NRXN1: variants seen among roughly 807,000 people sequenced by gnomAD.
NRXN1 encodes the protein neurexin-1.
NRXN1 carries 39 observed loss-of-function variants against 150.9 expected under a neutral mutation model. That is an observed-to-expected ratio of 0.26 (90% CI 0.20 to 0.34). NRXN1 has a LOEUF of 0.34. Ranked by LOEUF, NRXN1 falls within the 10% of genes least tolerant of loss-of-function variation. The probability of loss-of-function intolerance (pLI) is 1.00; values close to 1 mark genes in which losing one functional copy is unlikely to be tolerated. For synonymous variants in NRXN1, 924 were observed against 757.0 expected (o/e 1.22, Z -3.62); for missense variants, 1,815 against 1,949.9 (o/e 0.93, Z 1.30).
intron 17 of NRXN1, among the ~76,000 whole-genome samples, chr2:50,357,885 A>T (rs1241700133): frequency 6.6e-6 from 1 of 152,168 alleles, no homozygotes; most frequent in Admixed American, 6.5e-5. Flanking sequence ...TACCTGGTTC[A>T]TCTCACTGGG....
intron 5 of NRXN1, chr2:50,912,893 G>A (rs1684725517): frequency 6.6e-6 from 1 of 151,698 alleles, no homozygotes; most frequent in Non-Finnish European, 1.5e-5. Context: ...ATCAGTCTAG[G>A]TGTTGGCTTT....
chr2:50,466,383 T>C (rs2088850780), intron 16 of NRXN1: 2 of 426,920 alleles, frequency 4.7e-6, no homozygotes, highest in Admixed American at 3.0e-5. Flanking sequence ...ACTGCAGAAA[T>C]GTAAAATATG....
At chr2:50,971,013 G>C (rs1694909435) in intron 2 of NRXN1, among the ~76,000 whole-genome samples, 1 of 151,990 alleles carries the variant, frequency 6.6e-6, no homozygotes, top group African/African-American at 2.4e-5. Context: ...GCAAGAAAAG[G>C]TGACTTTAAA....
chr2:50,914,780 G>C (rs993651721), intron 5 of NRXN1, among the ~76,000 whole-genome samples: 1 of 151,538 alleles, frequency 6.6e-6, no homozygotes, highest in Non-Finnish European at 1.5e-5. Context: ...TGTACTATGA[G>C]AAAGAAAAAA....
At chr2:51,025,546 G>T (rs1304575944) in intron 2 of NRXN1, among the ~76,000 whole-genome samples, 1 of 152,066 alleles carries the variant, frequency 6.6e-6, no homozygotes, top group Admixed American at 6.5e-5. Context: ...CCTAATTTAA[G>T]GAAGGAAGCT....
At chr2:50,645,625 T>C (rs1012824344) in intron 5 of NRXN1, among the ~76,000 whole-genome samples, 1 of 151,734 alleles carries the variant, frequency 6.6e-6, no homozygotes, top group Non-Finnish European at 1.5e-5. Context: ...ATTCAACAGA[T>C]ATCTGTTGAA....
At chr2:49,987,898 T>G (rs953991002) in intron 21 of NRXN1, among the ~76,000 whole-genome samples, 1 of 152,146 alleles carries the variant, frequency 6.6e-6, no homozygotes, top group African/African-American at 2.4e-5. Flanking sequence ...TTTATATATT[T>G]AGTTGTAATT....
intron 15 of NRXN1, among the ~76,000 whole-genome samples, chr2:50,495,380 G>GTGGT (rs1262524763): frequency 1.1e-3 from 19 of 17,774 alleles, no homozygotes; most frequent in East Asian, 3.8e-3. Context: ...GTGTGTGTGT[G>GTGGT]GTGTGTGTGT....
At chr2:50,960,577 T>C (rs762431412) in intron 2 of NRXN1, among the ~76,000 whole-genome samples, 10 of 151,932 alleles carry the variant, frequency 6.6e-5, no homozygotes, top group Non-Finnish European at 1.3e-4. Context: ...GGAGGAAGTA[T>C]ATATGACACC....
intron 5 of NRXN1, among the ~76,000 whole-genome samples, chr2:50,915,523 G>T (rs963555476): frequency 6.6e-6 from 1 of 151,472 alleles, no homozygotes; most frequent in African/African-American, 2.4e-5. Flanking sequence ...AAGAGTAACA[G>T]ATATCTAAAT....
chr2:50,248,887 C>T (rs557358378), intron 17 of NRXN1, among the ~76,000 whole-genome samples: 36 of 152,118 alleles, frequency 2.4e-4, no homozygotes, highest in African/African-American at 8.7e-4. Flanking sequence ...TGACTCACAC[C>T]TGTAATCCCA....
intron 5 of NRXN1, among the ~76,000 whole-genome samples, chr2:50,920,618 G>C (rs977673792): frequency 6.6e-6 from 1 of 151,604 alleles, no homozygotes; most frequent in Non-Finnish European, 1.5e-5. Context: ...AACATGATGA[G>C]AAATGCCCAC....
intron 1 of NRXN1, among the ~76,000 whole-genome samples, chr2:51,030,838 T>TAC (rs978952399): frequency 6.6e-6 from 1 of 152,120 alleles, no homozygotes; most frequent in African/African-American, 2.4e-5. Flanking sequence ...TGATCAAGAG[T>TAC]AGTGCTTTGA....
chr2:50,103,180 T>A (rs17039291), intron 18 of NRXN1, among the ~76,000 whole-genome samples: 48,893 of 151,882 alleles, frequency 0.32, 8,306 homozygotes, highest in Non-Finnish European at 0.37. Flanking sequence ...CAAAAGTCAC[T>A]TACTTCTACA....
At chr2:50,211,486 G>T (rs1302340295) in intron 18 of NRXN1, among the ~76,000 whole-genome samples, 3 of 151,360 alleles carry the variant, frequency 2.0e-5, no homozygotes, top group Non-Finnish European at 4.4e-5. Flanking sequence ...TATAAACCTT[G>T]TAATTTTCAT....
chr2:50,102,472 C>T (rs1199087957), intron 18 of NRXN1, among the ~76,000 whole-genome samples: 1 of 151,988 alleles, frequency 6.6e-6, no homozygotes, highest in Non-Finnish European at 1.5e-5. Flanking sequence ...TGTACTTATT[C>T]AAAAACCACA....
chr2:50,454,163 T>A (rs1396315536), intron 17 of NRXN1, among the ~76,000 whole-genome samples: 1 of 151,922 alleles, frequency 6.6e-6, no homozygotes, highest in Admixed American at 6.6e-5. Context: ...CCATCTCTCC[T>A]AAAAATACAA....
At chr2:50,394,849 C>G (rs1335151583) in intron 17 of NRXN1, among the ~76,000 whole-genome samples, 1 of 151,994 alleles carries the variant, frequency 6.6e-6, no homozygotes, top group Non-Finnish European at 1.5e-5. Flanking sequence ...CTTTTTCCTT[C>G]CTGCTCATGC....
chr2:50,084,484 G>T (rs1460692825), intron 19 of NRXN1, among the ~76,000 whole-genome samples: 1 of 152,234 alleles, frequency 6.6e-6, no homozygotes, highest in Non-Finnish European at 1.5e-5. Flanking sequence ...GGCCCACAGG[G>T]CCGGCCGGCC....
Sources: allele counts gnomAD v4.1 joint callset (sites outside exome capture counted in the v4.1 genomes callset), GRCh38; gene constraint gnomAD v4.1.1; transcripts MANE v1.5; gene names NCBI Gene and HGNC (gene_info 2026-07-23, HGNC 2026-07-21).